The following AKR1C3 variants were observed in gnomAD, a reference collection of about 807,000 sequenced individuals.
The protein encoded by AKR1C3 is 3-alpha hydroxysteroid dehydrogenase, type II.
In AKR1C3, 48 loss-of-function variants were observed where a neutral mutation model predicts 43.6. That is an observed-to-expected ratio of 1.10 (90% CI 0.87 to 1.40). The LOEUF (loss-of-function observed/expected upper bound fraction) is 1.40, where lower values mean the gene tolerates loss of function less well. Ranked by LOEUF, AKR1C3 falls within the 40% of genes most tolerant of loss-of-function variation. The probability of loss-of-function intolerance (pLI) is 0.00; values close to 1 mark genes in which losing one functional copy is unlikely to be tolerated. For missense variants in AKR1C3, 482 were observed against 391.2 expected (o/e 1.23, Z -1.96); for synonymous variants, 162 against 139.6 (o/e 1.16, Z -1.13).
intron 2 of AKR1C3, among the ~76,000 whole-genome samples, chr10:5,096,978 T>A (rs1223850112): frequency 6.6e-6 from 1 of 152,158 alleles, no homozygotes; most frequent in Non-Finnish European, 1.5e-5. Flanking sequence ...GAGTATTAAA[T>A]AATAGACACT....
At chr10:5,102,344 T>C in intron 6 of AKR1C3, 134 bp downstream of exon 6, 5 of 1,597,788 alleles carry the variant, frequency 3.1e-6, no homozygotes, top group Non-Finnish European at 4.3e-6. Context: ...TCTGACGAGA[T>C]CTTGGATGAT....
intron 1 of AKR1C3, among the ~76,000 whole-genome samples, chr10:5,076,737 C>T (rs1384725218): frequency 2.6e-5 from 4 of 152,134 alleles, no homozygotes; most frequent in Admixed American, 2.6e-4. Context: ...TAAGACATAT[C>T]GTAAAACTCA....
intron 5 of AKR1C3, among the ~76,000 whole-genome samples, chr10:5,100,835 A>G (rs1220969959): frequency 3.3e-5 from 5 of 152,236 alleles, no homozygotes; most frequent in Non-Finnish European, 7.3e-5. Context: ...GATTCAACAT[A>G]ACCATTTATA....
At chr10:5,061,122 G>A (rs1838374924) in intron 1 of AKR1C3, among the ~76,000 whole-genome samples, 1 of 152,222 alleles carries the variant, frequency 6.6e-6, no homozygotes, top group South Asian at 2.1e-4. Context: ...GGCTCCTCAA[G>A]TGCAGCCAGT....
chr10:5,085,847 T>C (rs1468188315), intron 1 of AKR1C3, among the ~76,000 whole-genome samples: 3 of 151,944 alleles, frequency 2.0e-5, no homozygotes, highest in Non-Finnish European at 2.9e-5. Context: ...TTCTAGATTT[T>C]CTAGTTTATT....
chr10:5,099,941 C>T (rs12267712), intron 5 of AKR1C3: 2,240 of 156,744 alleles, frequency 0.014, 54 homozygotes, highest in African/African-American at 0.051. Context: ...AATTCTTGAC[C>T]AGGGGCATAG....
chr10:5,074,223 C>T (rs1295254245), intron 1 of AKR1C3, among the ~76,000 whole-genome samples: 1 of 152,152 alleles, frequency 6.6e-6, no homozygotes, highest in Non-Finnish European at 1.5e-5. Context: ...GCCCCGACCA[C>T]GTTGGACACA....
intron 1 of AKR1C3, among the ~76,000 whole-genome samples, chr10:5,062,908 C>T (rs1204171904): frequency 6.7e-6 from 1 of 150,308 alleles, no homozygotes; most frequent in African/African-American, 2.4e-5. Flanking sequence ...TCTCAAAGCT[C>T]AACACTTGGT....
chr10:5,085,799 C>T lies in AKR1C3; in HGVS notation c.85-10611C>T, dbSNP rs1375233914. 2.6e-5 allele frequency among the ~76,000 whole-genome samples: 4 copies of T among 151,764 alleles called. No homozygotes were observed. The East Asian group carries it at 5.8e-4, about 22-fold the overall frequency. ...AGATTCAACTTCTTCCTGGTTTAGT[C>T]TTGGGAGGATGTATGTGTCAAGGAG... is the stretch of plus-strand genomic sequence containing the variant. On this transcript the variant is annotated intron_variant, in intron 1 of 8. Coordinates refer to the AKR1C3 transcript ENST00000439082.
chr10:5,060,230 G>A (rs1178968674), intron 1 of AKR1C3, among the ~76,000 whole-genome samples: 1 of 152,300 alleles, frequency 6.6e-6, no homozygotes, highest in East Asian at 1.9e-4. Context: ...CTTCCACAGT[G>A]TGGAAGGGGA....
chr10:5,103,764 T>A (rs1839419237), intron 7 of AKR1C3, among the ~76,000 whole-genome samples: 1 of 152,116 alleles, frequency 6.6e-6, no homozygotes, highest in Non-Finnish European at 1.5e-5. Flanking sequence ...ATTACCCACA[T>A]TACAGGACAG....
chr10:5,064,977 A>G (rs552026696), intron 1 of AKR1C3, among the ~76,000 whole-genome samples: 3 of 152,178 alleles, frequency 2.0e-5, no homozygotes, highest in African/African-American at 7.2e-5. Context: ...TTTTAAAAGA[A>G]GACATACTTG....
Position 5,068,788 on chromosome 10 carries a change from G to A in AKR1C3, c.84+19893G>A, listed in dbSNP as rs922029519. The stretch of plus-strand genomic sequence containing the variant: ...GGGAATGCTGGGAGCCTCCCAAGAA[G>A]GCCTCTTTCATCTCAGAAGCCCCCA... On this transcript the variant is annotated intron_variant, in intron 1 of 8. Coordinates refer to the AKR1C3 transcript ENST00000439082. 2.0e-5 allele frequency among the ~76,000 whole-genome samples: 3 copies of A among 152,194 alleles called. No homozygotes were observed. The East Asian group carries it at 5.8e-4, about 29-fold the overall frequency.
chr10:5,097,565 T>C lies in AKR1C3; in HGVS notation c.369+15T>C, dbSNP rs528884532. 1 of 1,613,256 alleles carries C rather than the reference T, an allele frequency of 6.2e-7. No homozygotes were observed. Among genetic ancestry groups the C allele is most frequent in the African/African-American group, 1.3e-5 (1 of 75,022 alleles). ...TGTCTCTAAAGGTATGCAGTTTGTA[T>C]GAGCATAAAATTGCGCTTCTGCTGT... On this transcript the variant is annotated intron_variant, in intron 3 of 8. Coordinates refer to ENST00000380554, the MANE Select transcript of AKR1C3 (RefSeq NM_003739.6).
chr10:5,057,344 T>A (rs1838282738), intron 1 of AKR1C3, among the ~76,000 whole-genome samples: 1 of 152,188 alleles, frequency 6.6e-6, no homozygotes, highest in South Asian at 2.1e-4. Flanking sequence ...ATCATGCTTT[T>A]CCTTTTGGGT....
intron 1 of AKR1C3, among the ~76,000 whole-genome samples, chr10:5,050,746 AT>A (rs1164823379): frequency 4.6e-5 from 7 of 152,178 alleles, no homozygotes; most frequent in Non-Finnish European, 7.4e-5. Flanking sequence ...TTTTTGTGCT[AT>A]TTCTACATAT....
At position 5,096,592 on chromosome 10, in the gene AKR1C3, A is replaced by C; in HGVS notation, c.252+15A>C. ...ACACTTCAAAGGTACTGTGTCTATG[A>C]TGAGCTTGTGTGCACATGTATTTAT... On this transcript the variant is annotated intron_variant, in intron 2 of 8. Coordinates refer to ENST00000380554, the MANE Select transcript of AKR1C3 (RefSeq NM_003739.6). 3 of 1,610,944 alleles carry C rather than the reference A, an allele frequency of 1.9e-6. No homozygotes were observed. Among genetic ancestry groups the C allele is most frequent in the Non-Finnish European group, 2.5e-6 (3 of 1,178,194 alleles).
intron 1 of AKR1C3, among the ~76,000 whole-genome samples, chr10:5,061,596 T>A (rs548325294): frequency 6.6e-6 from 1 of 152,182 alleles, no homozygotes; most frequent in Non-Finnish European, 1.5e-5. Context: ...TTATATGTTG[T>A]GCATAAAAGG....
chr10:5,094,504 A>T lies in AKR1C3; in HGVS notation c.60A>T (p.Gly20=), dbSNP rs781961836. The stretch of plus-strand genomic sequence containing the variant: ...ATGGCCACTTCATGCCTGTATTGGG[A>T]TTTGGCACCTATGCACCTCCAGAGG... ...LNDGHFMPVL[G]FGTYAPPEVP... The change falls in exon 1 of 9, where the codon GGA becomes GGT. Residue 20 remains glycine (G), a synonymous_variant. Transcript: ENST00000380554. 1.4e-5 allele frequency: 23 copies of T among 1,612,760 alleles called. No homozygotes were observed. The highest frequency in any genetic ancestry group is 1.8e-5 in the Non-Finnish European group (21 of 1,179,060).
Sources: allele counts gnomAD v4.1 joint callset (sites outside exome capture counted in the v4.1 genomes callset), GRCh38; gene constraint gnomAD v4.1.1; transcripts MANE v1.5; gene names NCBI Gene and HGNC (gene_info 2026-07-23, HGNC 2026-07-21).